CCDC146: variants seen among roughly 807,000 people sequenced by gnomAD.
CCDC146 encodes the protein coiled-coil domain-containing protein 146.
In CCDC146, 92 loss-of-function variants were observed where a neutral mutation model predicts 119.3. That is an observed-to-expected ratio of 0.77 (90% CI 0.65 to 0.92). CCDC146 has a LOEUF of 0.92. Among genes scored for constraint, CCDC146 ranks in the 40% least tolerant of loss-of-function variants. The probability of loss-of-function intolerance (pLI) is 0.00; values close to 1 mark genes in which losing one functional copy is unlikely to be tolerated. For synonymous variants in CCDC146, 372 were observed against 371.8 expected (o/e 1.00, Z -0.01); for missense variants, 1,000 against 1,103.0 (o/e 0.91, Z 1.32).
chr7:77,193,538 T>C (rs2150427100), intron 2 of CCDC146: 1 of 152,336 alleles, frequency 6.6e-6, no homozygotes, highest in Non-Finnish European at 1.5e-5. Flanking sequence ...AACTTTTACC[T>C]TTAAAACCTT....
At chr7:77,256,618 A>T in intron 6 of CCDC146, 109 bp downstream of exon 6, 2 of 829,346 alleles carry the variant, frequency 2.4e-6, no homozygotes, top group Non-Finnish European at 3.9e-6. Context: ...TTGTCTCACA[A>T]ACTGAAATAT....
chr7:77,185,784 A>G (rs1791658459), intron 2 of CCDC146, among the ~76,000 whole-genome samples: 1 of 152,230 alleles, frequency 6.6e-6, no homozygotes, highest in Non-Finnish European at 1.5e-5. Flanking sequence ...AGAAACAGAG[A>G]TATGTAACCT....
At chr7:77,125,450 A>G (rs1790679453) in intron 1 of CCDC146, among the ~76,000 whole-genome samples, 1 of 151,872 alleles carries the variant, frequency 6.6e-6, no homozygotes, top group African/African-American at 2.4e-5. Context: ...GTTATCTTTA[A>G]GCAGTGATAT....
At chr7:77,261,805 T>C (rs555727881) in intron 8 of CCDC146, among the ~76,000 whole-genome samples, 3 of 152,356 alleles carry the variant, frequency 2.0e-5, no homozygotes, top group Admixed American at 2.0e-4. Flanking sequence ...TGCATAATAG[T>C]CTGTGGCATA....
chr7:77,291,368 C>A (rs1208959519), intron 17 of CCDC146, among the ~76,000 whole-genome samples: 1 of 151,324 alleles, frequency 6.6e-6, no homozygotes, highest in South Asian at 2.1e-4. Flanking sequence ...TTAGTCTTAT[C>A]TTTTAACTGT....
intron 1 of CCDC146, among the ~76,000 whole-genome samples, chr7:77,136,802 C>T (rs1439184412): frequency 3.9e-5 from 6 of 152,066 alleles, no homozygotes; most frequent in South Asian, 4.1e-4. Context: ...AGACAAAGAC[C>T]TTAAAGAAAA....
chr7:77,233,098 T>G (rs941878069), intron 2 of CCDC146, among the ~76,000 whole-genome samples: 11 of 151,200 alleles, frequency 7.3e-5, no homozygotes, highest in African/African-American at 1.5e-4. Context: ...TTGTTTGTTT[T>G]TTTTTTTTTA....
intron 2 of CCDC146, among the ~76,000 whole-genome samples, chr7:77,179,893 G>A (rs1022999570): frequency 1.6e-4 from 25 of 152,024 alleles, no homozygotes; most frequent in Admixed American, 1.6e-3. Context: ...TTCCATGAAT[G>A]TGTCTACTTT....
intron 2 of CCDC146, chr7:77,198,417 C>A: frequency 1.9e-6 from 1 of 519,374 alleles, no homozygotes; most frequent in Non-Finnish European, 2.5e-6. Context: ...TTTGGAGAGT[C>A]AATACCACTG....
chr7:77,153,740 GT>G (rs1791141057), intron 1 of CCDC146, among the ~76,000 whole-genome samples: 1 of 149,724 alleles, frequency 6.7e-6, no homozygotes, highest in African/African-American at 2.5e-5. Context: ...TTGGAAAACA[GT>G]TTGGCAGTTA....
intron 9 of CCDC146, among the ~76,000 whole-genome samples, chr7:77,273,108 G>T (rs1450633129): frequency 1.3e-5 from 2 of 152,152 alleles, no homozygotes; most frequent in African/African-American, 2.4e-5. Context: ...CAGATCATGG[G>T]TTCCAAGTCT....
intron 11 of CCDC146, among the ~76,000 whole-genome samples, chr7:77,275,664 A>T (rs1258980877): frequency 2.0e-5 from 3 of 152,190 alleles, no homozygotes; most frequent in African/African-American, 7.2e-5. Flanking sequence ...TCAAGACAGC[A>T]TCATTTAATC....
In CCDC146 at chr7:77,241,903, A is replaced by G. The variant is rs1369144933; in HGVS notation, c.449+3A>G. The G allele has an allele frequency of 1.2e-6, 2 of 1,600,958 alleles. No homozygotes were observed. The highest frequency in any genetic ancestry group is 1.7e-6 in the Non-Finnish European group (2 of 1,168,236). On this transcript the variant is annotated splice_donor_region_variant and intron_variant, in intron 4 of 18. Transcript: ENST00000285871. Reference sequence around the variant, plus strand: ...CATAATCAGTACAGATTAAATAGGTAAGTGCACAGTTCTCTCCGGCACACT... The same window carrying G: ...CATAATCAGTACAGATTAAATAGGTGAGTGCACAGTTCTCTCCGGCACACT...
intron 2 of CCDC146, among the ~76,000 whole-genome samples, chr7:77,220,841 T>C (rs987100943): frequency 3.3e-5 from 5 of 152,174 alleles, no homozygotes; most frequent in Non-Finnish European, 7.3e-5. Context: ...GCGGATCACA[T>C]TGAGTTGCAG....
At position 77,196,841 on chromosome 7, in the gene CCDC146, A is replaced by G; in HGVS notation, c.156+29017A>G. 1 of 1,613,730 alleles carries G rather than the reference A, an allele frequency of 6.2e-7. No individual in the cohort carries two copies. Among genetic ancestry groups the G allele is most frequent in the Non-Finnish European group, 8.5e-7 (1 of 1,179,968 alleles). ...GCTCCCATCGAGACGTGCCTGCAGC[A>G]CTGTCCAGCCTCCCCCCATGGTCTC... On this transcript the variant is annotated intron_variant, in intron 2 of 18. Coordinates refer to ENST00000285871, the MANE Select transcript of CCDC146 (RefSeq NM_020879.3). The surrounding 1 kb of genome is among the most constrained non-coding windows in gnomAD (Gnocchi z 4.2).
intron 1 of CCDC146, among the ~76,000 whole-genome samples, chr7:77,163,471 C>T (rs1215914631): frequency 6.6e-6 from 1 of 151,966 alleles, no homozygotes; most frequent in Non-Finnish European, 1.5e-5. Context: ...CACATATATA[C>T]GTATTTTTAA....
intron 2 of CCDC146, among the ~76,000 whole-genome samples, chr7:77,192,523 G>C (rs1791786496): frequency 6.6e-6 from 1 of 152,182 alleles, no homozygotes; most frequent in Non-Finnish European, 1.5e-5. Context: ...ACATTAGAAA[G>C]CGTAGTTTGT....
intron 1 of CCDC146, among the ~76,000 whole-genome samples, chr7:77,160,482 C>T (rs2117466552): frequency 6.6e-6 from 1 of 152,236 alleles, no homozygotes; most frequent in East Asian, 1.9e-4. Flanking sequence ...AGAGGTCCTT[C>T]ACGTCCCTTG....
chr7:77,202,970 A>T (rs1325439067), intron 2 of CCDC146, among the ~76,000 whole-genome samples: 2 of 152,098 alleles, frequency 1.3e-5, no homozygotes, highest in African/African-American at 4.8e-5. Context: ...CTGTGCTTAA[A>T]GCAATGCTTA....
Sources: allele counts gnomAD v4.1 joint callset (sites outside exome capture counted in the v4.1 genomes callset), GRCh38; gene constraint gnomAD v4.1.1; non-coding constraint Gnocchi (gnomAD v3.1); transcripts MANE v1.5; gene names NCBI Gene and HGNC (gene_info 2026-07-23, HGNC 2026-07-21).